PCDHGA4: variants seen among roughly 807,000 people sequenced by gnomAD.
PCDHGA4 encodes protocadherin gamma-A4.
A neutral mutation model predicts 54.6 loss-of-function variants in PCDHGA4; 38 were observed. That is an observed-to-expected ratio of 0.70 (90% CI 0.54 to 0.91). The LOEUF is 0.91. Among genes scored for constraint, PCDHGA4 ranks in the 40% least tolerant of loss-of-function variants. The probability of loss-of-function intolerance (pLI) is 0.00; values close to 1 mark genes in which losing one functional copy is unlikely to be tolerated. For missense variants in PCDHGA4, 1,298 were observed against 1,220.9 expected (o/e 1.06, Z -0.94); for synonymous variants, 511 against 512.9 (o/e 1.00, Z 0.05).
rs112731052 is a variant in PCDHGA4 at position 141,457,109 on chromosome 5, A to G, written c.2515-37698A>G. ...TATAAGGATACTAATTAAGCAAAAT[A>G]CGACAGCAATGGAAACTCTGTCCAA... is the stretch of plus-strand genomic sequence containing the variant. On this transcript the variant is annotated intron_variant, in intron 1 of 3. Coordinates refer to ENST00000571252, the MANE Select transcript of PCDHGA4 (RefSeq NM_018917.4). 8.3e-3 allele frequency among the ~76,000 whole-genome samples: 1,258 copies of G among 152,360 alleles called. 17 individuals are homozygous for G. Among genetic ancestry groups the G allele is most frequent in the African/African-American group, 0.029 (1,195 of 41,578 alleles).
At chr5:141,377,786 A>G (rs1774350895) in intron 1 of PCDHGA4, 1 of 152,178 alleles carries the variant, frequency 6.6e-6, no homozygotes, top group African/African-American at 2.4e-5. Flanking sequence ...GACCTGAATA[A>G]CATTCCTGTA....
intron 1 of PCDHGA4, among the ~76,000 whole-genome samples, chr5:141,406,812 T>G (rs528041804): frequency 6.6e-6 from 1 of 152,350 alleles, no homozygotes; most frequent in East Asian, 1.9e-4. Context: ...CTCCAACTTT[T>G]GAGTCTAGAA....
At chr5:141,439,780 T>G (rs1023743000) in intron 1 of PCDHGA4, 1 of 152,228 alleles carries the variant, frequency 6.6e-6, no homozygotes, top group African/African-American at 2.4e-5. Context: ...TGGCTGGAGA[T>G]TCTATAATCC....
At chr5:141,413,092 T>C in intron 1 of PCDHGA4, 1 of 1,429,614 alleles carries the variant, frequency 7.0e-7, no homozygotes, top group Non-Finnish European at 9.4e-7. Context: ...AGAGACACCC[T>C]GAAGCCACAG....
intron 1 of PCDHGA4, among the ~76,000 whole-genome samples, chr5:141,382,529 T>C (rs1778264328): frequency 6.6e-6 from 1 of 152,222 alleles, no homozygotes; most frequent in South Asian, 2.1e-4. Flanking sequence ...TGTCTTAAAA[T>C]GGATTTTTAA....
Position 141,431,704 on chromosome 5 carries a change from C to T in PCDHGA4, c.2515-63103C>T. On this transcript the variant is annotated intron_variant, in intron 1 of 3. Transcript: ENST00000571252. The surrounding 1 kb of genome is among the most constrained non-coding windows in gnomAD (Gnocchi z 4.8). ...TGGACCACGAGGAGTCAGGATTCTA[C>T]CAGATGGAAGTGCAAGCAATGGATA... 1 of 1,614,194 alleles carries T rather than the reference C, an allele frequency of 6.2e-7. No homozygotes were observed. The highest frequency in any genetic ancestry group is 8.5e-7 in the Non-Finnish European group (1 of 1,180,036).
chr5:141,361,159 G>A (rs776154088), intron 1 of PCDHGA4: 55 of 1,613,798 alleles, frequency 3.4e-5, no homozygotes, highest in Non-Finnish European at 3.1e-5. Context: ...TGATGACAAC[G>A]ATTGTGCACC....
chr5:141,463,184 T>A (rs62379194), intron 1 of PCDHGA4, among the ~76,000 whole-genome samples: 5,135 of 152,236 alleles, frequency 0.034, 100 homozygotes, highest in Middle Eastern at 0.088. Context: ...CTCAGATTAT[T>A]ATTTAGCCAA....
chr5:141,487,323 G>A lies in PCDHGA4; in HGVS notation c.2515-7484G>A, dbSNP rs374901235. Reference sequence around the variant, plus strand: ...GTGGCACTACTCTCTAAGTGTCTTCGTGGGGCAGCCTGTGGAGTCACATGC... The same window carrying A: ...GTGGCACTACTCTCTAAGTGTCTTCATGGGGCAGCCTGTGGAGTCACATGC... On this transcript the variant is annotated intron_variant, in intron 1 of 3. Coordinates refer to ENST00000571252, the MANE Select transcript of PCDHGA4 (RefSeq NM_018917.4). The surrounding 1 kb of genome is among the most constrained non-coding windows in gnomAD (Gnocchi z 5.0). 4.0e-5 allele frequency: 65 copies of A among 1,613,982 alleles called. No homozygotes were observed. Among genetic ancestry groups the A allele is most frequent in the Non-Finnish European group, 4.7e-5 (56 of 1,180,012 alleles).
At position 141,485,272 on chromosome 5, in the gene PCDHGA4, C is replaced by T. The variant is rs764196730; in HGVS notation, c.2515-9535C>T. The T allele has an allele frequency of 1.9e-6, 3 of 1,613,948 alleles. No homozygotes were observed. The highest frequency in any genetic ancestry group is 2.7e-5 in the African/African-American group (2 of 74,932). On this transcript the variant is annotated intron_variant, in intron 1 of 3. Transcript: ENST00000571252. The surrounding 1 kb of genome is among the most constrained non-coding windows in gnomAD (Gnocchi z 5.7). ...GTTACGTTTGTGGGCAGATCCGCTACCCGGTCCCAGAGGAGTCACAGGAAG... is the reference window on the plus strand; with the variant it reads ...GTTACGTTTGTGGGCAGATCCGCTATCCGGTCCCAGAGGAGTCACAGGAAG...
intron 1 of PCDHGA4, among the ~76,000 whole-genome samples, chr5:141,466,558 C>T (rs1407160827): frequency 6.6e-6 from 1 of 152,120 alleles, no homozygotes; most frequent in Non-Finnish European, 1.5e-5. Flanking sequence ...CTGTGGGCTT[C>T]ATCTTCAACA....
rs1363449 is a variant in PCDHGA4, at chr5:141,413,826, C to T, written c.2514+56205C>T. On this transcript the variant is annotated intron_variant, in intron 1 of 3. Coordinates refer to ENST00000571252, the MANE Select transcript of PCDHGA4 (RefSeq NM_018917.4). ...AGGCCATTCACCACCTGGTCCTCAC[C>T]GCCTCCGACGGGGGTGACCCTCTCC... 4,050 of 1,613,180 alleles carry T rather than the reference C, an allele frequency of 2.5e-3. 115 individuals are homozygous for T. In the African/African-American group the frequency reaches 0.047, roughly 19 times the overall value.
chr5:141,435,952 G>A lies in PCDHGA4; in HGVS notation c.2515-58855G>A, dbSNP rs944960593. ...TTGCTGCTTCTGAGACCAAAAAAGG[G>A]GGCAAAATATAGAGTGTGTGGTTCT... is the stretch of plus-strand genomic sequence containing the variant. On this transcript the variant is annotated intron_variant, in intron 1 of 3. Transcript: ENST00000571252. Among the ~76,000 whole-genome samples the A allele has an allele frequency of 2.6e-5, 4 of 152,098 alleles. No individual in the cohort carries two copies. The South Asian group carries it at 8.3e-4, about 32-fold the overall frequency.
chr5:141,403,340 G>T, intron 1 of PCDHGA4: 3 of 1,613,982 alleles, frequency 1.9e-6, no homozygotes, highest in African/African-American at 1.3e-5. Flanking sequence ...TAACGACAGC[G>T]CCCCAAAGTT....
intron 1 of PCDHGA4, chr5:141,375,203 C>T (rs1346536726): frequency 4.3e-6 from 7 of 1,613,912 alleles, no homozygotes; most frequent in Non-Finnish European, 5.1e-6. Flanking sequence ...AGTGTTCGAT[C>T]GAGACTCTGG....
chr5:141,419,830 T>G, intron 1 of PCDHGA4: 1 of 1,614,052 alleles, frequency 6.2e-7, no homozygotes, highest in African/African-American at 1.3e-5. Context: ...TTTCAGCCAC[T>G]GCCACGCTGC....
At chr5:141,414,945 C>G in intron 1 of PCDHGA4, 2 of 1,614,098 alleles carry the variant, frequency 1.2e-6, no homozygotes, top group Non-Finnish European at 8.5e-7. Flanking sequence ...AGCCCGGCTA[C>G]CTGGTGACCA....
intron 1 of PCDHGA4, chr5:141,409,980 C>T (rs2095343394): frequency 6.2e-7 from 1 of 1,613,322 alleles, no homozygotes; most frequent in Non-Finnish European, 8.5e-7. Context: ...AAGGTGGTAG[C>T]GGTGGACGCC....
At chr5:141,398,375 A>C in intron 1 of PCDHGA4, 2 of 1,437,542 alleles carry the variant, frequency 1.4e-6, no homozygotes, top group East Asian at 4.7e-5. Flanking sequence ...GAGAGCGGGG[A>C]GTTGCTTGTG....
Sources: allele counts gnomAD v4.1 joint callset (sites outside exome capture counted in the v4.1 genomes callset), GRCh38; gene constraint gnomAD v4.1.1; non-coding constraint Gnocchi (gnomAD v3.1); transcripts MANE v1.5; gene names NCBI Gene and HGNC (gene_info 2026-07-23, HGNC 2026-07-21).